CNTNAP4: variants seen among roughly 807,000 people sequenced by gnomAD.
The protein encoded by CNTNAP4 is contactin-associated protein-like 4.
CNTNAP4 carries 98 observed loss-of-function variants against 148.4 expected under a neutral mutation model. The observed-to-expected ratio is 0.66, with a 90% CI of 0.56 to 0.78. The LOEUF (loss-of-function observed/expected upper bound fraction) is 0.78, where lower values mean the gene tolerates loss of function less well. Among genes scored for constraint, CNTNAP4 ranks in the 30% least tolerant of loss-of-function variants. The pLI is 0.00. For synonymous variants in CNTNAP4, 730 were observed against 565.1 expected (o/e 1.29, Z -4.14); for missense variants, 1,935 against 1,565.6 (o/e 1.24, Z -3.98).
At chr16:76,392,553 G>A (rs535750245) in intron 3 of CNTNAP4, among the ~76,000 whole-genome samples, 5 of 152,098 alleles carry the variant, frequency 3.3e-5, no homozygotes, top group South Asian at 4.1e-4. Context: ...ATTGGAACAC[G>A]TTCTTGAGGA....
chr16:76,294,402 T>C (rs1289595887), intron 1 of CNTNAP4, among the ~76,000 whole-genome samples: 2 of 152,186 alleles, frequency 1.3e-5, no homozygotes, highest in Non-Finnish European at 2.9e-5. Context: ...TTTTTATATT[T>C]TTCACCTACC....
intron 15 of CNTNAP4, among the ~76,000 whole-genome samples, chr16:76,520,911 T>C (rs973848459): frequency 2.6e-5 from 4 of 152,308 alleles, no homozygotes; most frequent in African/African-American, 9.6e-5. Flanking sequence ...GTAATGATCA[T>C]TCTTACTCTC....
intron 3 of CNTNAP4, among the ~76,000 whole-genome samples, chr16:76,361,992 A>T (rs1040108042): frequency 6.6e-6 from 1 of 152,042 alleles, no homozygotes; most frequent in African/African-American, 2.4e-5. Context: ...TGTCTGCTCA[A>T]TGCTTTTGCT....
chr16:76,486,699 A>G (rs989057714), intron 12 of CNTNAP4, among the ~76,000 whole-genome samples: 2 of 152,198 alleles, frequency 1.3e-5, no homozygotes, highest in African/African-American at 4.8e-5. Context: ...ATAAAAACCT[A>G]AGGACTGTAC....
chr16:76,359,755 C>G (rs1173875301), intron 3 of CNTNAP4, among the ~76,000 whole-genome samples: 1 of 152,162 alleles, frequency 6.6e-6, no homozygotes, highest in Non-Finnish European at 1.5e-5. Context: ...ACTTTCTCCT[C>G]TCAGATTGAA....
At chr16:76,528,728 T>G (rs912494935) in intron 17 of CNTNAP4, among the ~76,000 whole-genome samples, 11 of 152,212 alleles carry the variant, frequency 7.2e-5, no homozygotes, top group Admixed American at 5.9e-4. Context: ...AGATTAATGC[T>G]TTACTTTCTG....
chr16:76,337,952 C>T (rs1964158658), intron 2 of CNTNAP4, among the ~76,000 whole-genome samples: 1 of 152,154 alleles, frequency 6.6e-6, no homozygotes, highest in African/African-American at 2.4e-5. Flanking sequence ...CGCTGTTGTT[C>T]TATTCTTTTT....
intron 8 of CNTNAP4, among the ~76,000 whole-genome samples, chr16:76,455,346 G>C (rs1014099970): frequency 6.6e-6 from 1 of 152,178 alleles, no homozygotes; most frequent in African/African-American, 2.4e-5. Context: ...GTCCCCATGG[G>C]CAGGGCCTGG....
At position 76,452,675 on chromosome 16, in the gene CNTNAP4, G is replaced by T; in HGVS notation, c.1239G>T (p.Gln413His). Reference sequence around the variant, plus strand: ...GGCTTCTGCTGTTCAGTGAACTTCAGCTGATTTCAGGGGGTATCCTCCTCT... The same window carrying T: ...GGCTTCTGCTGTTCAGTGAACTTCATCTGATTTCAGGGGGTATCCTCCTCT... The part of the protein sequence containing the change: ...KAGLLLFSEL[Q>H]LISGGILLFL... Residue 413 changes from glutamine to histidine, a missense_variant, in exon 8 of 24, where the codon CAG becomes CAT. Gln to His is a conservative substitution (Grantham distance 24). Transcript: ENST00000611870. 6.2e-7 allele frequency: 1 copy of T among 1,613,806 alleles called. No individual in the cohort carries two copies. The highest frequency in any genetic ancestry group is 1.1e-5 in the South Asian group (1 of 91,034).
intron 1 of CNTNAP4, among the ~76,000 whole-genome samples, chr16:76,314,930 C>T (rs926967701): frequency 6.6e-6 from 1 of 151,980 alleles, no homozygotes. Flanking sequence ...GTTTTTTAAA[C>T]TCATATATGT....
At chr16:76,343,448 C>T (rs1428164922) in intron 2 of CNTNAP4, among the ~76,000 whole-genome samples, 1 of 152,188 alleles carries the variant, frequency 6.6e-6, no homozygotes, top group Non-Finnish European at 1.5e-5. Context: ...CATGCTCCCT[C>T]AAAACCCTGA....
chr16:76,394,505 A>C (rs1383419764), intron 3 of CNTNAP4, among the ~76,000 whole-genome samples: 1 of 152,230 alleles, frequency 6.6e-6, no homozygotes, highest in African/African-American at 2.4e-5. Flanking sequence ...TACATGACAC[A>C]GAAAATAATT....
At chr16:76,511,730 G>T (rs908751524) in intron 15 of CNTNAP4, among the ~76,000 whole-genome samples, 2 of 150,120 alleles carry the variant, frequency 1.3e-5, no homozygotes, top group Non-Finnish European at 3.0e-5. Context: ...CTCTTCTCTT[G>T]TCTCTGTTTT....
intron 17 of CNTNAP4, among the ~76,000 whole-genome samples, chr16:76,522,713 TTTC>T (rs2083530999): frequency 2.5e-5 from 1 of 40,494 alleles, no homozygotes; most frequent in African/African-American, 1.2e-4. Flanking sequence ...TTTCTTTTCT[TTTC>T]TTTTCTTTTC....
chr16:76,291,912 T>G (rs1193914478), intron 1 of CNTNAP4, among the ~76,000 whole-genome samples: 1 of 152,208 alleles, frequency 6.6e-6, no homozygotes, highest in African/African-American at 2.4e-5. Flanking sequence ...ATACGCATGC[T>G]TTCCCATCCT....
At chr16:76,319,307 G>A (rs1962156465) in intron 2 of CNTNAP4, among the ~76,000 whole-genome samples, 1 of 151,994 alleles carries the variant, frequency 6.6e-6, no homozygotes, top group African/African-American at 2.4e-5. Flanking sequence ...CATGAGAATC[G>A]TTTGAACCCA....
At chr16:76,425,604 C>T (rs1005759143) in intron 3 of CNTNAP4, among the ~76,000 whole-genome samples, 3 of 151,802 alleles carry the variant, frequency 2.0e-5, no homozygotes, top group East Asian at 1.9e-4. Context: ...GTGTCAGGTA[C>T]ACAGGTACTT....
chr16:76,478,260 T>C (rs1234107268), intron 11 of CNTNAP4, among the ~76,000 whole-genome samples: 1 of 152,184 alleles, frequency 6.6e-6, no homozygotes, highest in Non-Finnish European at 1.5e-5. Context: ...CCAAGCTCTT[T>C]CAAGGACTTT....
intron 3 of CNTNAP4, among the ~76,000 whole-genome samples, chr16:76,380,095 G>A (rs1215084260): frequency 6.6e-6 from 1 of 152,130 alleles, no homozygotes; most frequent in Non-Finnish European, 1.5e-5. Context: ...CAAGTCTGTT[G>A]TAGTATTTCA....
Sources: gnomAD v4.1 joint callset for allele counts (sites outside exome capture counted in the v4.1 genomes callset) on GRCh38, gnomAD v4.1.1 for gene constraint, MANE v1.5 for transcripts, NCBI Gene and HGNC (gene_info 2026-07-23, HGNC 2026-07-21) for gene names.